The following GLIS3 variants were observed in gnomAD, a reference collection of about 807,000 sequenced individuals.
The protein encoded by GLIS3 is zinc finger protein GLIS3.
GLIS3 carries 53 observed loss-of-function variants against 78.6 expected under a neutral mutation model. That is an observed-to-expected ratio of 0.67 (90% CI 0.54 to 0.85). The LOEUF is 0.85. Ranked by LOEUF, GLIS3 falls within the 40% of genes least tolerant of loss-of-function variation. The pLI, the probability that GLIS3 is intolerant of heterozygous loss-of-function variation, is 0.00. For missense variants in GLIS3, 1,703 were observed against 1,231.1 expected, an observed-to-expected ratio of 1.38 and a Z score of -5.74; for synonymous variants, 684 against 509.9, an observed-to-expected ratio of 1.34 and a Z score of -4.60.
At chr9:4,225,268 C>T (rs1237834368) in intron 2 of GLIS3, among the ~76,000 whole-genome samples, 4 of 152,080 alleles carry the variant, frequency 2.6e-5, no homozygotes, top group Non-Finnish European at 5.9e-5. Context: ...AAATTTTGGC[C>T]TAGGACCTGT....
intron 2 of GLIS3, among the ~76,000 whole-genome samples, chr9:4,162,853 T>TA (rs1835596034): frequency 6.3e-5 from 2 of 31,570 alleles, no homozygotes; most frequent in Non-Finnish European, 5.2e-5. Context: ...TCTCGCTCTG[T>TA]CAAAAAAAAA....
intron 9 of GLIS3, among the ~76,000 whole-genome samples, chr9:3,840,523 A>G (rs779441256): frequency 1.3e-5 from 2 of 152,220 alleles, no homozygotes; most frequent in Non-Finnish European, 2.9e-5. Flanking sequence ...TGAGAACTGA[A>G]CCAGCTTGCA....
chr9:4,102,431 G>A (rs774430010), intron 4 of GLIS3, among the ~76,000 whole-genome samples: 8 of 152,148 alleles, frequency 5.3e-5, no homozygotes, highest in African/African-American at 7.2e-5. Flanking sequence ...TATAAATTCT[G>A]GTTCCTGTCA....
intron 6 of GLIS3, among the ~76,000 whole-genome samples, chr9:3,907,237 C>T (rs924187582): frequency 3.9e-5 from 6 of 152,050 alleles, no homozygotes; most frequent in African/African-American, 1.2e-4. Context: ...AGGCTGACTG[C>T]CTCTTAATCT....
the GLIS3 span, among the ~76,000 whole-genome samples, chr9:4,488,559 G>T: frequency 1.3e-5 from 2 of 151,444 alleles, no homozygotes; most frequent in Non-Finnish European, 2.9e-5. Context: ...CCCTCCGGTC[G>T]CCCAGGCAGG....
chr9:3,994,747 T>A (rs1820606322), intron 4 of GLIS3, among the ~76,000 whole-genome samples: 1 of 152,188 alleles, frequency 6.6e-6, no homozygotes, highest in East Asian at 1.9e-4. Flanking sequence ...GATTCCTTAT[T>A]TACTTCTTTC....
Position 4,260,538 on chromosome 9 carries a change from G to A in GLIS3, c.388+25500C>T, listed in dbSNP as rs55771511. Among the ~76,000 whole-genome samples the A allele has an allele frequency of 2.7e-5, 4 of 148,594 alleles. No individual in the cohort carries two copies. The East Asian group carries it at 7.8e-4, about 29-fold the overall frequency. ...GCCAAGATTGTGCCACTGAACTCCA[G>A]CCTGGGCAACTGAGTGAGACTCTGT... On this transcript the variant is annotated intron_variant, in intron 2 of 10. Transcript: ENST00000381971.
chr9:3,873,850 C>G (rs1479736455), intron 8 of GLIS3, among the ~76,000 whole-genome samples: 1 of 151,914 alleles, frequency 6.6e-6, no homozygotes, highest in Non-Finnish European at 1.5e-5. Context: ...AAAAAACTGG[C>G]ATTCCTTATT....
chr9:4,011,428 G>T (rs557171249), intron 4 of GLIS3, among the ~76,000 whole-genome samples: 1 of 152,190 alleles, frequency 6.6e-6, no homozygotes, highest in African/African-American at 2.4e-5. Context: ...CGAGGCACTC[G>T]GCATTCAGTG....
intron 6 of GLIS3, among the ~76,000 whole-genome samples, chr9:3,900,519 A>C (rs1268243524): frequency 1.3e-5 from 2 of 152,180 alleles, no homozygotes; most frequent in Non-Finnish European, 2.9e-5. Flanking sequence ...TATATAAAAC[A>C]AATAGCATTA....
chr9:3,868,558 C>T (rs1220517516), intron 8 of GLIS3, among the ~76,000 whole-genome samples: 1 of 152,146 alleles, frequency 6.6e-6, no homozygotes, highest in Non-Finnish European at 1.5e-5. Context: ...TATTTGAGAA[C>T]AAGATGAACC....
intron 9 of GLIS3, among the ~76,000 whole-genome samples, chr9:3,850,749 C>T (rs1819378282): frequency 1.3e-5 from 2 of 152,338 alleles, no homozygotes; most frequent in South Asian, 2.1e-4. Flanking sequence ...CTCTACTCCA[C>T]ACCTTAACCT....
At chr9:4,184,382 A>T (rs1365706458) in intron 2 of GLIS3, among the ~76,000 whole-genome samples, 2 of 152,256 alleles carry the variant, frequency 1.3e-5, no homozygotes, top group Non-Finnish European at 2.9e-5. Flanking sequence ...CAAATAAAGA[A>T]TATAACAATA....
chr9:4,181,679 C>T (rs1269681096), intron 2 of GLIS3, among the ~76,000 whole-genome samples: 1 of 152,194 alleles, frequency 6.6e-6, no homozygotes, highest in Non-Finnish European at 1.5e-5. Flanking sequence ...TCTTTGAAGC[C>T]GTACTTCACT....
At chr9:4,307,226 C>G (rs1817249053) in intron 4 of GLIS3, among the ~76,000 whole-genome samples, 1 of 152,190 alleles carries the variant, frequency 6.6e-6, no homozygotes, top group Non-Finnish European at 1.5e-5. Context: ...GGCACACACT[C>G]TTAGCTGTAA....
intron 4 of GLIS3, among the ~76,000 whole-genome samples, chr9:4,026,328 AC>A (rs1279060269): frequency 3.3e-5 from 5 of 152,226 alleles, no homozygotes; most frequent in African/African-American, 1.2e-4. Flanking sequence ...TTCCTAGCAA[AC>A]ACAAATTATT....
chr9:4,345,376 T>C (rs907363139), intron 2 of GLIS3, among the ~76,000 whole-genome samples: 14 of 152,226 alleles, frequency 9.2e-5, no homozygotes, highest in Non-Finnish European at 8.8e-5. Flanking sequence ...GTTTATTTTC[T>C]TCATAGCATT....
chr9:3,962,635 G>A (rs1360230029), intron 4 of GLIS3, among the ~76,000 whole-genome samples: 1 of 152,026 alleles, frequency 6.6e-6, no homozygotes, highest in African/African-American at 2.4e-5. Flanking sequence ...GCAGTTTTTT[G>A]TTTGCTTTTT....
chr9:4,234,082 C>T (rs1257315221), intron 2 of GLIS3, among the ~76,000 whole-genome samples: 1 of 152,140 alleles, frequency 6.6e-6, no homozygotes, highest in African/African-American at 2.4e-5. Context: ...ATTTTGTGGT[C>T]AGTATGACTG....
Sources: gnomAD v4.1 joint callset for allele counts (sites outside exome capture counted in the v4.1 genomes callset) on GRCh38, gnomAD v4.1.1 for gene constraint, MANE v1.5 for transcripts, NCBI Gene and HGNC (gene_info 2026-07-23, HGNC 2026-07-21) for gene names.